COBL: variants seen among roughly 807,000 people sequenced by gnomAD.
The protein encoded by COBL is protein cordon-bleu.
A neutral mutation model predicts 98.8 loss-of-function variants in COBL; 51 were observed. That is an observed-to-expected ratio of 0.52 (90% CI 0.41 to 0.65). The LOEUF is 0.65. COBL is among the 30% of genes least tolerant of loss of function. The pLI is 0.00. For missense variants in COBL, 1,617 were observed against 1,617.5 expected (o/e 1.00, Z 0.01); for synonymous variants, 634 against 651.7 (o/e 0.97, Z 0.41).
intron 8 of COBL, among the ~76,000 whole-genome samples, chr7:51,040,346 G>A (rs577885088): frequency 1.3e-5 from 2 of 152,104 alleles, no homozygotes; most frequent in African/African-American, 4.8e-5. Flanking sequence ...AAATAACCCA[G>A]CATCACAGAC....
intron 6 of COBL, among the ~76,000 whole-genome samples, chr7:51,103,847 A>C (rs1222601264): frequency 6.6e-6 from 1 of 152,262 alleles, no homozygotes; most frequent in Non-Finnish European, 1.5e-5. Context: ...CAAACCATGC[A>C]GAGCTGGAAT....
intron 1 of COBL, among the ~76,000 whole-genome samples, chr7:51,305,135 T>C (rs1802340825): frequency 6.6e-6 from 1 of 152,254 alleles, no homozygotes. Flanking sequence ...TCACTTTCAC[T>C]TGTTTAAAAT....
chr7:51,103,411 T>C (rs114088143), intron 6 of COBL, among the ~76,000 whole-genome samples: 2 of 152,164 alleles, frequency 1.3e-5, no homozygotes, highest in Admixed American at 1.3e-4. Flanking sequence ...TTTCCCTAGT[T>C]TGTCATGGCC....
At chr7:51,316,379 C>T (rs944378897) in intron 1 of COBL, 1 of 336,452 alleles carries the variant, frequency 3.0e-6, no homozygotes, top group African/African-American at 2.2e-5. Context: ...ACACGGTTAC[C>T]TGGGCAACGA....
chr7:51,074,191 A>ATTTTTTTTTTTT (rs369421469), intron 7 of COBL, among the ~76,000 whole-genome samples: 1 of 100,496 alleles, frequency 1.0e-5, no homozygotes, highest in Non-Finnish European at 1.8e-5. Flanking sequence ...CAAGGTAATG[A>ATTTTTTTTTTTT]TTTTTTTTTT....
At chr7:51,070,401 A>ACACACACACACACACACACACG (rs1204014367) in intron 7 of COBL, among the ~76,000 whole-genome samples, 6 of 151,654 alleles carry the variant, frequency 4.0e-5, no homozygotes, top group African/African-American at 1.5e-4. Flanking sequence ...AAACACACAC[A>ACACACACACACACACACACACG]CACACACACA....
chr7:51,121,778 T>C (rs1206344238), intron 6 of COBL, among the ~76,000 whole-genome samples: 1 of 152,208 alleles, frequency 6.6e-6, no homozygotes, highest in Non-Finnish European at 1.5e-5. Flanking sequence ...TGATTGTGGA[T>C]TATCAAGGTG....
chr7:51,189,932 C>T (rs772583610), intron 4 of COBL, among the ~76,000 whole-genome samples: 18 of 152,214 alleles, frequency 1.2e-4, no homozygotes, highest in Admixed American at 5.2e-4. Context: ...ATAACAGTCT[C>T]TGCACCAGCA....
At chr7:51,234,826 C>T (rs535855438) in intron 1 of COBL, among the ~76,000 whole-genome samples, 1 of 152,126 alleles carries the variant, frequency 6.6e-6, no homozygotes, top group South Asian at 2.1e-4. Context: ...CTGTGGAACA[C>T]GTCGCTTGGG....
intron 2 of COBL, among the ~76,000 whole-genome samples, chr7:51,218,160 C>T (rs1174147088): frequency 6.6e-6 from 1 of 152,236 alleles, no homozygotes; most frequent in African/African-American, 2.4e-5. Flanking sequence ...TATTCCGAGG[C>T]CTCGAGCAAT....
At chr7:51,194,722 A>C (rs1441993704) in intron 2 of COBL, among the ~76,000 whole-genome samples, 1 of 151,776 alleles carries the variant, frequency 6.6e-6, no homozygotes, top group East Asian at 1.9e-4. Flanking sequence ...ACTGATGTTG[A>C]GCTTTTTTTC....
intron 9 of COBL, among the ~76,000 whole-genome samples, 185 bp downstream of exon 9, chr7:51,030,627 G>C (rs1017391655): frequency 6.6e-6 from 1 of 152,214 alleles, no homozygotes; most frequent in Admixed American, 6.5e-5. Context: ...TGGCAGCCCA[G>C]ATAAAAAGCA....
intron 1 of COBL, among the ~76,000 whole-genome samples, chr7:51,262,341 G>A (rs938726871): frequency 5.3e-5 from 8 of 152,230 alleles, no homozygotes. Flanking sequence ...ACAGGAAAGT[G>A]AGGAGGGAGA....
At chr7:51,151,506 T>C (rs929562868) in intron 5 of COBL, among the ~76,000 whole-genome samples, 3 of 152,184 alleles carry the variant, frequency 2.0e-5, no homozygotes, top group Non-Finnish European at 4.4e-5. Context: ...GCTAAGAATG[T>C]AGAAGAAGGT....
At chr7:51,177,324 C>T (rs1788469445) in intron 5 of COBL, among the ~76,000 whole-genome samples, 1 of 152,146 alleles carries the variant, frequency 6.6e-6, no homozygotes, top group South Asian at 2.1e-4. Context: ...TATCAAGATA[C>T]ATAATTAAAA....
At chr7:51,249,139 T>C (rs941728506) in intron 1 of COBL, among the ~76,000 whole-genome samples, 11 of 152,176 alleles carry the variant, frequency 7.2e-5, no homozygotes, top group South Asian at 6.2e-4. Context: ...TCAGAACTCC[T>C]GTGTATCAGA....
At chr7:51,301,812 A>C (rs1057191931) in intron 1 of COBL, among the ~76,000 whole-genome samples, 1 of 152,100 alleles carries the variant, frequency 6.6e-6, no homozygotes, top group Non-Finnish European at 1.5e-5. Flanking sequence ...TGTGGGTCCC[A>C]CTGTGCTGGG....
chr7:51,196,677 CTATT>C (rs1209872182), intron 2 of COBL, among the ~76,000 whole-genome samples: 3 of 151,576 alleles, frequency 2.0e-5, no homozygotes, highest in Non-Finnish European at 2.9e-5. Context: ...GGTTGGTAGG[CTATT>C]TATTACTGAT....
chr7:51,265,436 C>T (rs539030337), intron 1 of COBL, among the ~76,000 whole-genome samples: 2 of 152,332 alleles, frequency 1.3e-5, no homozygotes, highest in Middle Eastern at 3.4e-3. Flanking sequence ...GCTCCCCAGG[C>T]TGGATGGGGA....
Sources: gnomAD v4.1 joint callset for allele counts (sites outside exome capture counted in the v4.1 genomes callset) on GRCh38, gnomAD v4.1.1 for gene constraint, MANE v1.5 for transcripts, NCBI Gene and HGNC (gene_info 2026-07-23, HGNC 2026-07-21) for gene names.